EXOC6: variants seen among roughly 807,000 people sequenced by gnomAD.
The protein encoded by EXOC6 is exocyst complex component 6.
A neutral mutation model predicts 112.5 loss-of-function variants in EXOC6; 60 were observed. The observed-to-expected ratio is 0.53, with a 90% confidence interval of 0.43 to 0.66. EXOC6 has a LOEUF of 0.66. Ranked by LOEUF, EXOC6 falls within the 30% of genes least tolerant of loss-of-function variation. EXOC6 has a pLI of 0.00. For synonymous variants in EXOC6, 295 were observed against 308.0 expected, an observed-to-expected ratio of 0.96 and a Z score of 0.44; for missense variants, 855 against 957.1, an observed-to-expected ratio of 0.89 and a Z score of 1.41.
At position 92,854,376 on chromosome 10, in the gene EXOC6, G is replaced by A. The variant is rs977957483; in HGVS notation, c.101+5742G>A. Among the ~76,000 whole-genome samples, 3 of 151,850 alleles carry A rather than the reference G, an allele frequency of 2.0e-5. No homozygotes were observed. In the East Asian group the frequency reaches 5.8e-4, roughly 30 times the overall value. The stretch of plus-strand genomic sequence containing the variant: ...CACTTGAACCTGGGAGGCGGAGGAT[G>A]CATGAGCCGAGATTGTGCCAATGCA... On this transcript the variant is annotated intron_variant, in intron 1 of 21. Transcript: ENST00000260762.
intron 1 of EXOC6, among the ~76,000 whole-genome samples, chr10:92,837,984 C>A (rs530312467): frequency 1.3e-5 from 2 of 152,286 alleles, no homozygotes; most frequent in East Asian, 3.9e-4. Flanking sequence ...TCCCTGCCCA[C>A]CTTGTTTTGC....
chr10:92,955,952 G>T (rs1187833921), intron 17 of EXOC6, among the ~76,000 whole-genome samples: 1 of 151,986 alleles, frequency 6.6e-6, no homozygotes, highest in Non-Finnish European at 1.5e-5. Context: ...TTCATGTTTT[G>T]ATGATTTATA....
chr10:93,020,394 CATA>C (rs77815473), intron 20 of EXOC6, among the ~76,000 whole-genome samples: 24 of 151,094 alleles, frequency 1.6e-4, no homozygotes, highest in African/African-American at 1.9e-4. Context: ...TGATTCAAAC[CATA>C]ATAATAATAA....
intron 20 of EXOC6, 71 bp from the exon 21 acceptor site, chr10:93,056,853 T>G: frequency 1.2e-6 from 1 of 814,032 alleles, no homozygotes; most frequent in Non-Finnish European, 2.1e-6. Flanking sequence ...GGACCAAGGA[T>G]AGCATATAAT....
rs772562178 is a variant in EXOC6 at position 92,997,659 on chromosome 10, A to G, written c.2095+44A>G. On this transcript the variant is annotated intron_variant, in intron 19 of 21. Transcript: ENST00000260762. ...TATTCTTATGTATTACTAGGAATCT[A>G]TGCTTAAATTATATGAAAAAATGTA... is the stretch of plus-strand genomic sequence containing the variant. The G allele has an allele frequency of 1.1e-5, 17 of 1,492,268 alleles. No individual in the cohort carries two copies. The East Asian group carries it at 1.4e-4, about 13-fold the overall frequency. The allele number at this position is 1,492,268 out of a possible 1,614,324, so 92.4% of individuals were successfully genotyped here.
chr10:92,972,366 AAG>A lies in EXOC6; in HGVS notation c.1774-1682_1774-1681del, dbSNP rs375348223. ...TTGCAAAACAAAAAAGTACACATTC[AAG>A]AGAGGGGAGTGCAGGCACACTTGAG... On this transcript the variant is annotated intron_variant, in intron 17 of 21. Coordinates refer to ENST00000260762, the MANE Select transcript of EXOC6 (RefSeq NM_019053.6). Among the ~76,000 whole-genome samples, 29 of 152,266 alleles carry A rather than the reference AAG, an allele frequency of 1.9e-4. No homozygotes were observed. The East Asian group carries it at 5.6e-3, about 29-fold the overall frequency.
chr10:92,879,222 C>G (rs1203148122), intron 1 of EXOC6, among the ~76,000 whole-genome samples: 1 of 152,170 alleles, frequency 6.6e-6, no homozygotes, highest in African/African-American at 2.4e-5. Context: ...TTGTTCACAC[C>G]TGTAATCCCA....
chr10:93,049,236 T>TA (rs1036834019), intron 20 of EXOC6, among the ~76,000 whole-genome samples: 28 of 152,002 alleles, frequency 1.8e-4, no homozygotes, highest in Non-Finnish European at 3.4e-4. Context: ...TTTTTATATA[T>TA]TTTTTTAGTA....
intron 1 of EXOC6, among the ~76,000 whole-genome samples, chr10:92,837,230 G>A (rs1846689522): frequency 6.6e-6 from 1 of 152,034 alleles, no homozygotes; most frequent in Non-Finnish European, 1.5e-5. Flanking sequence ...ATATTCAGTT[G>A]TGGAAGCCCC....
chr10:92,924,602 C>T (rs777184005), intron 8 of EXOC6, among the ~76,000 whole-genome samples: 2 of 152,164 alleles, frequency 1.3e-5, no homozygotes, highest in Non-Finnish European at 2.9e-5. Context: ...GGATGGTCAT[C>T]ATATCTAATG....
intron 17 of EXOC6, among the ~76,000 whole-genome samples, chr10:92,961,645 A>G (rs1388856778): frequency 6.6e-6 from 1 of 151,878 alleles, no homozygotes; most frequent in Non-Finnish European, 1.5e-5. Flanking sequence ...ACAAAAGAGG[A>G]GGATCAACAA....
At chr10:92,873,321 T>G (rs11815289) in intron 1 of EXOC6, among the ~76,000 whole-genome samples, 3,351 of 152,302 alleles carry the variant, frequency 0.022, 55 homozygotes, top group African/African-American at 0.041. Flanking sequence ...CAGTGAGTAT[T>G]AATGTCAGTA....
chr10:92,895,859 CTT>C (rs34229333), intron 4 of EXOC6, among the ~76,000 whole-genome samples: 33,080 of 121,736 alleles, frequency 0.27, 5,056 homozygotes, highest in East Asian at 0.72. Flanking sequence ...CACACCCGGC[CTT>C]TTTTTTTTTT....
chr10:92,928,519 A>G, intron 9 of EXOC6, 97 bp downstream of exon 9: 2 of 705,610 alleles, frequency 2.8e-6, no homozygotes, highest in Non-Finnish European at 4.8e-6. Context: ...TCATTCAACT[A>G]CAAATATTTA....
chr10:92,875,626 T>A (rs554294386), intron 1 of EXOC6, among the ~76,000 whole-genome samples: 1 of 152,268 alleles, frequency 6.6e-6, no homozygotes, highest in Non-Finnish European at 1.5e-5. Flanking sequence ...ACACAAACTT[T>A]CTTTATAGAA....
At chr10:92,979,742 C>T (rs557157267) in intron 18 of EXOC6, among the ~76,000 whole-genome samples, 6 of 151,720 alleles carry the variant, frequency 4.0e-5, no homozygotes, top group Admixed American at 2.0e-4. Flanking sequence ...ACAGCGTGGG[C>T]GATATAGTGA....
intron 19 of EXOC6, 132 bp downstream of exon 19, chr10:92,997,747 A>C: frequency 1.5e-6 from 1 of 647,358 alleles, no homozygotes; most frequent in Non-Finnish European, 2.3e-6. Context: ...TAGCAGCCTT[A>C]GGAGTAGGGC....
At chr10:92,976,997 T>C (rs766806556) in intron 18 of EXOC6, among the ~76,000 whole-genome samples, 3 of 152,192 alleles carry the variant, frequency 2.0e-5, no homozygotes, top group Non-Finnish European at 4.4e-5. Context: ...ATGAATGCAA[T>C]AGTTTTATAC....
chr10:92,871,108 T>G (rs573893836), intron 1 of EXOC6, among the ~76,000 whole-genome samples: 1 of 152,306 alleles, frequency 6.6e-6, no homozygotes, highest in African/African-American at 2.4e-5. Flanking sequence ...TCTCTGTTTC[T>G]TTTGTGATAA....
Sources: gnomAD v4.1 joint callset for allele counts (sites outside exome capture counted in the v4.1 genomes callset) on GRCh38, gnomAD v4.1.1 for gene constraint, MANE v1.5 for transcripts, NCBI Gene and HGNC (gene_info 2026-07-23, HGNC 2026-07-21) for gene names.